LMX1B: variants seen among roughly 807,000 people sequenced by gnomAD.
LMX1B encodes the protein LIM homeobox transcription factor 1 beta.
LMX1B carries 12 observed loss-of-function variants against 51.4 expected under a neutral mutation model. That is an observed-to-expected ratio of 0.23 (90% CI 0.15 to 0.38). The LOEUF is 0.38. Ranked by LOEUF, LMX1B falls within the 10% of genes least tolerant of loss-of-function variation. LMX1B has a pLI of 1.00. For synonymous variants in LMX1B, 237 were observed against 235.4 expected (o/e 1.01, Z -0.06); for missense variants, 445 against 571.1 (o/e 0.78, Z 2.25).
intron 2 of LMX1B, among the ~76,000 whole-genome samples, chr9:126,631,938 G>C (rs1285489508): frequency 1.3e-5 from 2 of 152,128 alleles, no homozygotes; most frequent in African/African-American, 4.8e-5. Context: ...GGGCCTCAAA[G>C]GGGGCCACCT....
chr9:126,690,759 G>A, intron 2 of LMX1B, 77 bp from the exon 3 acceptor site: 1 of 1,310,052 alleles, frequency 7.6e-7, no homozygotes, highest in South Asian at 1.3e-5. Context: ...GTGGCAAGAG[G>A]GAGAGGCCCT....
At chr9:126,653,153 T>C (rs1836053352) in intron 2 of LMX1B, among the ~76,000 whole-genome samples, 1 of 136,144 alleles carries the variant, frequency 7.3e-6, no homozygotes, top group Non-Finnish European at 1.6e-5. Flanking sequence ...TTTTTTTTTT[T>C]TTTTTTTTTT....
chr9:126,616,985 C>T (rs1835315362), intron 2 of LMX1B, among the ~76,000 whole-genome samples: 2 of 152,224 alleles, frequency 1.3e-5, no homozygotes. Context: ...CAGAGTGCAG[C>T]TGAGGCCTTC....
chr9:126,672,846 A>C (rs961371441), intron 2 of LMX1B, among the ~76,000 whole-genome samples: 7 of 152,202 alleles, frequency 4.6e-5, no homozygotes, highest in Non-Finnish European at 8.8e-5. Flanking sequence ...TCCCAGAGGC[A>C]CTGGTAAGCG....
chr9:126,658,769 A>G lies in LMX1B; in HGVS notation c.327-32067A>G, dbSNP rs72762508. ...GAACAAATAATCAAATTATCAAGCC[A>G]AAACCTGGGAAAGTCATTTGCATTC... On this transcript the variant is annotated intron_variant, in intron 2 of 7. Transcript: ENST00000373474. The surrounding 1 kb of genome is among the most constrained non-coding windows in gnomAD (Gnocchi z 4.0). Among the ~76,000 whole-genome samples, 166 of 152,396 alleles carry G rather than the reference A, an allele frequency of 1.1e-3. No individual in the cohort carries two copies. Among genetic ancestry groups the G allele is most frequent in the Non-Finnish European group, 1.9e-3 (128 of 68,042 alleles).
chr9:126,617,463 TCC>T, intron 2 of LMX1B, among the ~76,000 whole-genome samples: 1 of 150,202 alleles, frequency 6.7e-6, no homozygotes, highest in South Asian at 2.1e-4. Context: ...CTCCCCCCAC[TCC>T]CCATAATTAT....
intron 2 of LMX1B, among the ~76,000 whole-genome samples, chr9:126,681,919 TAATAA>T (rs1403104312): frequency 2.7e-5 from 4 of 150,130 alleles, no homozygotes; most frequent in East Asian, 3.9e-4. Context: ...AAAATAATAA[TAATAA>T]AATAAAATGC....
At chr9:126,678,137 C>A (rs558229199) in intron 2 of LMX1B, among the ~76,000 whole-genome samples, 29 of 151,938 alleles carry the variant, frequency 1.9e-4, no homozygotes, top group African/African-American at 7.0e-4. Context: ...ATGGTGAAAC[C>A]CCATCTCTAC....
chr9:126,659,918 G>T (rs575828898), intron 2 of LMX1B, among the ~76,000 whole-genome samples: 1 of 151,876 alleles, frequency 6.6e-6, no homozygotes, highest in East Asian at 1.9e-4. Flanking sequence ...ATTGTCCTGT[G>T]TGTTTGTCTA....
chr9:126,681,900 C>CAAA (rs1284203389), intron 2 of LMX1B, among the ~76,000 whole-genome samples: 12 of 139,116 alleles, frequency 8.6e-5, no homozygotes, highest in African/African-American at 3.1e-4. Flanking sequence ...GACTCCATCT[C>CAAA]AAAAAAAAAA....
chr9:126,628,370 T>G (rs1172255115), intron 2 of LMX1B, among the ~76,000 whole-genome samples: 2 of 152,156 alleles, frequency 1.3e-5, no homozygotes, highest in Non-Finnish European at 2.9e-5. Flanking sequence ...GTGGTTTGGG[T>G]CGTGTTATCT....
At chr9:126,619,312 T>G (rs1051028297) in intron 2 of LMX1B, among the ~76,000 whole-genome samples, 1 of 152,170 alleles carries the variant, frequency 6.6e-6, no homozygotes, top group Non-Finnish European at 1.5e-5. Context: ...GCTCCCGCGT[T>G]CGGGTGTGGC....
chr9:126,662,653 G>GTGGGC (rs1836267715), intron 2 of LMX1B, among the ~76,000 whole-genome samples: 1 of 152,244 alleles, frequency 6.6e-6, no homozygotes, highest in African/African-American at 2.4e-5. Flanking sequence ...GGGTGGAAGT[G>GTGGGC]TGGGCTGGGC....
rs150423322 is a variant in LMX1B, at chr9:126,677,904, G to GC, written c.327-12931dup. ...GCTATCTCTGGCTGCATTAAGAGGA[G>GC]CATAGGATGGGAAATAAGGGAGGAG... On this transcript the variant is annotated intron_variant, in intron 2 of 7. Transcript: ENST00000373474. The surrounding 1 kb of genome is among the most constrained non-coding windows in gnomAD (Gnocchi z 5.0). 0.02 allele frequency among the ~76,000 whole-genome samples: 3,010 copies of GC among 152,292 alleles called. 47 individuals carry two copies. The highest frequency in any genetic ancestry group is 0.032 in the Non-Finnish European group (2,185 of 68,012).
chr9:126,615,283 C>T lies in LMX1B; in HGVS notation c.140-100C>T. 1 of 898,886 alleles carries T rather than the reference C, an allele frequency of 1.1e-6. No individual in the cohort carries two copies. Among genetic ancestry groups the T allele is most frequent in the Admixed American group, 4.6e-5 (1 of 21,628 alleles). The allele number at this position is 898,886 out of a possible 1,614,324, so 55.7% of individuals were successfully genotyped here. On this transcript the variant is annotated intron_variant, in intron 1 of 7. Coordinates refer to ENST00000373474, the MANE Select transcript of LMX1B (RefSeq NM_001174147.2). The surrounding 1 kb of genome is among the most constrained non-coding windows in gnomAD (Gnocchi z 6.0). ...GCGGCAGGCGGTGATCCCGGGCGGC[C>T]CGAGCCCTCGGGGCCGAGGGCTGTG...
At chr9:126,679,634 C>G (rs149537600) in intron 2 of LMX1B, among the ~76,000 whole-genome samples, 1 of 152,006 alleles carries the variant, frequency 6.6e-6, no homozygotes, top group African/African-American at 2.4e-5. Flanking sequence ...TACGACCTAT[C>G]CTCCTTAGCA....
rs903059092 is a variant in LMX1B, at chr9:126,695,591, C to A, written c.887-248C>A. On this transcript the variant is annotated intron_variant, in intron 6 of 7. Transcript: ENST00000373474. This position sits in a 1 kb window ranked among gnomAD's most constrained non-coding sequence, Gnocchi z 5.2. The stretch of plus-strand genomic sequence containing the variant: ...TGTGGGGTCTGCCGCCTCCCTGGAT[C>A]CCCTGGAGGGGCGGGGTGGTGGGAG... Among the ~76,000 whole-genome samples, 2 of 152,288 alleles carry A rather than the reference C, an allele frequency of 1.3e-5. No homozygotes were observed. Among genetic ancestry groups the A allele is most frequent in the African/African-American group, 4.8e-5 (2 of 41,556 alleles).
chr9:126,639,636 C>T (rs888595807), intron 2 of LMX1B, among the ~76,000 whole-genome samples: 4 of 152,230 alleles, frequency 2.6e-5, no homozygotes, highest in African/African-American at 7.2e-5. Context: ...CTGGCCCCTT[C>T]CCACCAACCT....
At chr9:126,668,733 C>T (rs1429971148) in intron 2 of LMX1B, among the ~76,000 whole-genome samples, 2 of 152,154 alleles carry the variant, frequency 1.3e-5, no homozygotes, top group Non-Finnish European at 2.9e-5. Flanking sequence ...GGATTACAGG[C>T]ATGAGCCACC....
Sources: allele counts gnomAD v4.1 joint callset (sites outside exome capture counted in the v4.1 genomes callset), GRCh38; gene constraint gnomAD v4.1.1; non-coding constraint Gnocchi (gnomAD v3.1); transcripts MANE v1.5; gene names NCBI Gene and HGNC (gene_info 2026-07-23, HGNC 2026-07-21).